The following ITPR3 variants were observed in gnomAD, a reference collection of about 807,000 sequenced individuals.
ITPR3 encodes inositol 1,4,5-trisphosphate receptor type 3, also known as inositol 1,4,5-trisphosphate-gated calcium channel ITPR3.
A neutral mutation model predicts 293.2 loss-of-function variants in ITPR3; 173 were observed. The ratio of observed to expected loss-of-function variants is 0.59; its 90% CI spans 0.52 to 0.67. The LOEUF (loss-of-function observed/expected upper bound fraction) is 0.67. Ranked by LOEUF, ITPR3 falls within the 30% of genes least tolerant of loss-of-function variation. The pLI, the probability that ITPR3 is intolerant of heterozygous loss-of-function variation, is 0.00. For synonymous variants in ITPR3, 1,295 were observed against 1,444.4 expected, an observed-to-expected ratio of 0.90 and a Z score of 2.35; for missense variants, 2,796 against 3,592.1, an observed-to-expected ratio of 0.78 and a Z score of 5.66.
Position 33,664,840 on chromosome 6 carries a change from C to T in ITPR3, c.1149-30C>T, listed in dbSNP as rs770065014. ...CATGACGTGCTCTGTGGTGCACTCC[C>T]CGAGTCCTTTCCCTCCCACCCACCT... On this transcript the variant is annotated intron_variant, in intron 11 of 57. Transcript: ENST00000605930. The surrounding 1 kb of genome is among the most constrained non-coding windows in gnomAD (Gnocchi z 4.4). 3.1e-6 allele frequency: 5 copies of T among 1,603,104 alleles called. No homozygotes were observed. The South Asian group carries it at 5.5e-5, about 18-fold the overall frequency.
At chr6:33,685,991 C>T in intron 41 of ITPR3, 62 bp from the exon 42 acceptor site, 3 of 1,589,900 alleles carry the variant, frequency 1.9e-6, no homozygotes, top group Non-Finnish European at 2.6e-6. Context: ...ATCGTGCTTC[C>T]CAGGCCAGCC....
chr6:33,641,132 G>C (rs1029326126), intron 2 of ITPR3, among the ~76,000 whole-genome samples: 3 of 152,262 alleles, frequency 2.0e-5, no homozygotes, highest in African/African-American at 7.2e-5. Context: ...ACCTTGTCCT[G>C]AGTGGTCAGT....
chr6:33,636,606 C>T (rs533465567), intron 1 of ITPR3, among the ~76,000 whole-genome samples: 7 of 151,726 alleles, frequency 4.6e-5, no homozygotes, highest in Non-Finnish European at 1.0e-4. Flanking sequence ...ATGGAGTTGC[C>T]ATCGACTGAG....
chr6:33,689,178 C>T, intron 49 of ITPR3, 60 bp from the exon 50 acceptor site: 2 of 1,578,652 alleles, frequency 1.3e-6, no homozygotes, highest in Admixed American at 1.7e-5. Flanking sequence ...ACCTGTTGGA[C>T]CTGCTCTGGG....
In ITPR3 at chr6:33,690,111, C is replaced by G. The variant is rs1164036706; in HGVS notation, c.6945C>G (p.Val2315=). 3.1e-6 allele frequency: 5 copies of G among 1,614,166 alleles called. No individual in the cohort carries two copies. The South Asian group carries it at 5.5e-5, about 18-fold the overall frequency. Residue 2315 remains valine, a synonymous_variant, in exon 51 of 58, where the codon GTC becomes GTG. Coordinates refer to ENST00000605930, the MANE Select transcript of ITPR3 (RefSeq NM_002224.4). ...TCATCCGGGGCTATAAGGCCATGGT[C>G]ATGGACATGGAATTCCTCTACCACG... ...GTFIRGYKAM[V]MDMEFLYHVG...
chr6:33,670,665 C>T lies in ITPR3; in HGVS notation c.2442-6C>T. On this transcript the variant is annotated splice_region_variant and splice_polypyrimidine_tract_variant and intron_variant, in intron 19 of 57. Transcript: ENST00000605930. This position sits in a 1 kb window ranked among gnomAD's most constrained non-coding sequence, Gnocchi z 6.7. ...GACCTTCATGCCTCATGGCCTCCAC[C>T]CTCAGCTATGATTCCAACCTCAACG... The T allele has an allele frequency of 6.2e-7, 1 of 1,613,998 alleles. No homozygotes were observed. The highest frequency in any genetic ancestry group is 1.3e-5 in the African/African-American group (1 of 75,010).
intron 1 of ITPR3, among the ~76,000 whole-genome samples, chr6:33,630,034 T>G (rs935620449): frequency 2.0e-5 from 3 of 152,048 alleles, no homozygotes; most frequent in African/African-American, 7.2e-5. Context: ...GGGGTTGCAG[T>G]GAGCTGAGAT....
At chr6:33,693,939 C>T (rs1038985657) in intron 56 of ITPR3, among the ~76,000 whole-genome samples, 6 of 152,196 alleles carry the variant, frequency 3.9e-5, no homozygotes, top group African/African-American at 1.2e-4. Context: ...CTGGGCTGCA[C>T]GGAAGCCGCT....
At chr6:33,663,114 C>G (rs1411854039) in intron 9 of ITPR3, 108 bp downstream of exon 9, 5 of 870,048 alleles carry the variant, frequency 5.7e-6, no homozygotes, top group Non-Finnish European at 9.3e-6. Flanking sequence ...GCCTATGGAC[C>G]CTGACTTCTC....
chr6:33,643,061 A>G lies in ITPR3; in HGVS notation c.160+2507A>G, dbSNP rs191746956. Among the ~76,000 whole-genome samples, 523 of 152,352 alleles carry G rather than the reference A, an allele frequency of 3.4e-3. 3 individuals carry two copies. The highest frequency in any genetic ancestry group is 0.011 in the African/African-American group (467 of 41,586). On this transcript the variant is annotated intron_variant, in intron 2 of 57. Coordinates refer to ENST00000605930, the MANE Select transcript of ITPR3 (RefSeq NM_002224.4). Reference sequence around the variant, plus strand: ...GTTTTGACACTGGAGCCCAGAAAAGACAAAGATGGAGCTTGGCCTCAAGCC... The same window carrying G: ...GTTTTGACACTGGAGCCCAGAAAAGGCAAAGATGGAGCTTGGCCTCAAGCC...
intron 1 of ITPR3, among the ~76,000 whole-genome samples, chr6:33,637,805 C>T (rs951289553): frequency 1.4e-5 from 2 of 145,056 alleles, no homozygotes; most frequent in Middle Eastern, 3.7e-3. Context: ...CTAATTTTTT[C>T]TTTCTTTCTT....
In ITPR3 at chr6:33,691,721, T is replaced by C; in HGVS notation, c.7330+2T>C. ...TCTCGGTGCCTGAGGTCCTGGAAGGTGAGGGTGGTGTGTGTGCAGGAGTCT... is the reference window on the plus strand; with the variant it reads ...TCTCGGTGCCTGAGGTCCTGGAAGGCGAGGGTGGTGTGTGTGCAGGAGTCT... On this transcript the variant is annotated splice_donor_variant, in intron 53 of 57. Transcript: ENST00000605930. LOFTEE classifies it high-confidence loss of function. This position sits in a 1 kb window ranked among gnomAD's most constrained non-coding sequence, Gnocchi z 4.9. 8 of 1,613,506 alleles carry C rather than the reference T, an allele frequency of 5.0e-6. No homozygotes were observed. Among genetic ancestry groups the C allele is most frequent in the Non-Finnish European group, 6.8e-6 (8 of 1,179,832 alleles).
At chr6:33,677,441 G>T in intron 27 of ITPR3, 63 bp from the exon 28 acceptor site, 1 of 1,594,696 alleles carries the variant, frequency 6.3e-7, no homozygotes, top group Admixed American at 1.7e-5. Flanking sequence ...GGCTGTGGTG[G>T]GCTGGGCAGA....
At chr6:33,625,007 G>T (rs575097271) in intron 1 of ITPR3, among the ~76,000 whole-genome samples, 177 of 152,362 alleles carry the variant, frequency 1.2e-3, no homozygotes, top group Non-Finnish European at 1.2e-3. Flanking sequence ...CAGCCGGCCA[G>T]CAAGGGAAAG....
In ITPR3 at chr6:33,621,469, G is replaced by C; in HGVS notation, c.-134G>C. On this transcript the variant is annotated 5_prime_UTR_variant, in exon 1 of 58. Coordinates refer to ENST00000605930, the MANE Select transcript of ITPR3 (RefSeq NM_002224.4). This position sits in a 1 kb window ranked among gnomAD's most constrained non-coding sequence, Gnocchi z 7.7. ...GCTCCCGTGGCCGCCAGCCCGCCCC[G>C]GCCGCACCGAGCGTCGGGATCCGAG... 1.7e-6 allele frequency: 1 copy of C among 580,162 alleles called. No homozygotes were observed. Among genetic ancestry groups the C allele is most frequent in the Non-Finnish European group, 2.9e-6 (1 of 342,052 alleles). The allele number at this position is 580,162 out of a possible 1,614,324, so 35.9% of individuals were successfully genotyped here.
rs1386363022 is a variant in ITPR3, at chr6:33,679,215, C to T, written c.3972+376C>T. ...CAGCTGAGTGTCAGCTCCTGGGGGG[C>T]ACGGGCAGGGACCCCATCCTTTGTG... On this transcript the variant is annotated intron_variant, in intron 30 of 57. Transcript: ENST00000605930. The surrounding 1 kb of genome is among the most constrained non-coding windows in gnomAD (Gnocchi z 4.2). Among the ~76,000 whole-genome samples the T allele has an allele frequency of 6.6e-6, 1 of 152,178 alleles. No individual in the cohort carries two copies. Among genetic ancestry groups the T allele is most frequent in the Non-Finnish European group, 1.5e-5 (1 of 68,026 alleles).
chr6:33,659,576 C>T (rs780432269), intron 7 of ITPR3, 27 bp downstream of exon 7: 2 of 1,594,468 alleles, frequency 1.3e-6, no homozygotes, highest in Admixed American at 1.7e-5. Flanking sequence ...CCTGCCCTGC[C>T]CAGCTGGCCA....
intron 2 of ITPR3, among the ~76,000 whole-genome samples, chr6:33,650,845 A>T (rs1254874441): frequency 6.6e-6 from 1 of 150,900 alleles, no homozygotes; most frequent in Non-Finnish European, 1.5e-5. Context: ...TCTGTTTTAC[A>T]GGTGATGTCT....
chr6:33,633,405 T>C lies in ITPR3; in HGVS notation c.90-7079T>C, dbSNP rs1361384028. Among the ~76,000 whole-genome samples the C allele has an allele frequency of 6.6e-6, 1 of 152,094 alleles. No homozygotes were observed. Among genetic ancestry groups the C allele is most frequent in the Non-Finnish European group, 1.5e-5 (1 of 67,990 alleles). On this transcript the variant is annotated intron_variant, in intron 1 of 57. Transcript: ENST00000605930. This position sits in a 1 kb window ranked among gnomAD's most constrained non-coding sequence, Gnocchi z 5.2. Reference sequence around the variant, plus strand: ...TCTGGTTTCAGCGCCCGGTGCGCACTCAGCAGGGCACCTGTGGTCCGGCTA... The same window carrying C: ...TCTGGTTTCAGCGCCCGGTGCGCACCCAGCAGGGCACCTGTGGTCCGGCTA...
Sources: gnomAD v4.1 joint callset for allele counts (sites outside exome capture counted in the v4.1 genomes callset) on GRCh38, gnomAD v4.1.1 for gene constraint, Gnocchi (gnomAD v3.1) non-coding constraint, MANE v1.5 for transcripts, NCBI Gene and HGNC (gene_info 2026-07-23, HGNC 2026-07-21) for gene names.